The following MAPT variants were observed in gnomAD, a reference collection of about 807,000 sequenced individuals.
The protein encoded by MAPT is microtubule-associated protein tau.
A neutral mutation model predicts 67.9 loss-of-function variants in MAPT; 34 were observed. The observed-to-expected ratio is 0.50, with a 90% CI of 0.38 to 0.67. The LOEUF (loss-of-function observed/expected upper bound fraction) is 0.67, where lower values mean the gene tolerates loss of function less well. MAPT is among the 30% of genes least tolerant of loss of function. The pLI, the probability that MAPT is intolerant of heterozygous loss-of-function variation, is 0.00. For synonymous variants in MAPT, 456 were observed against 464.5 expected (o/e 0.98, Z 0.23); for missense variants, 881 against 1,115.2 (o/e 0.79, Z 2.99).
intron 1 of MAPT, among the ~76,000 whole-genome samples, chr17:45,945,947 A>G (rs917591493): frequency 6.6e-6 from 1 of 152,160 alleles, no homozygotes; most frequent in Non-Finnish European, 1.5e-5. Context: ...GGGGTCTGCA[A>G]GGTTGTGCCC....
chr17:45,907,215 T>C (rs1248222494), intron 1 of MAPT, among the ~76,000 whole-genome samples: 1 of 152,122 alleles, frequency 6.6e-6, no homozygotes, highest in Non-Finnish European at 1.5e-5. Flanking sequence ...TGCCGTGCTC[T>C]TTCTGCCCCT....
chr17:45,980,575 A>T (rs528226654), intron 4 of MAPT: 1 of 145,716 alleles, frequency 6.9e-6, no homozygotes, highest in South Asian at 2.1e-4. Context: ...TAATCATGTC[A>T]GTTTCCTCAT....
Position 45,930,809 on chromosome 17 carries a change from A to T in MAPT, c.-17-31512A>T, listed in dbSNP as rs188831040. Among the ~76,000 whole-genome samples, 120 of 152,248 alleles carry T rather than the reference A, an allele frequency of 7.9e-4. 2 individuals carry two copies. In the Middle Eastern group the frequency reaches 0.014, roughly 17 times the overall value. The stretch of plus-strand genomic sequence containing the variant: ...CCAGTTCACTTATTTTTGCTTTGTC[A>T]TGGCTGCCCAGTCCCCACTTGTAGA... On this transcript the variant is annotated intron_variant, in intron 1 of 12. Transcript: ENST00000262410.
At chr17:45,903,574 G>A (rs2063761033) in intron 1 of MAPT, among the ~76,000 whole-genome samples, 1 of 149,516 alleles carries the variant, frequency 6.7e-6, no homozygotes, top group Admixed American at 6.8e-5. Flanking sequence ...AATTAGCCGG[G>A]CGTGGTGGCG....
At chr17:45,981,394 C>T (rs1420572209) in intron 4 of MAPT, among the ~76,000 whole-genome samples, 1 of 152,146 alleles carries the variant, frequency 6.6e-6, no homozygotes, top group African/African-American at 2.4e-5. Flanking sequence ...ATGAATGTCA[C>T]GTGAATGAAC....
chr17:46,017,057 G>A (rs1490127875), intron 11 of MAPT, among the ~76,000 whole-genome samples: 1 of 152,218 alleles, frequency 6.6e-6, no homozygotes, highest in African/African-American at 2.4e-5. Flanking sequence ...GAGAAGTTCA[G>A]TCTAGAATGT....
intron 9 of MAPT, among the ~76,000 whole-genome samples, chr17:45,997,699 G>A (rs1238537682): frequency 6.6e-6 from 1 of 152,228 alleles, no homozygotes; most frequent in Non-Finnish European, 1.5e-5. Context: ...GGCAGAGGTT[G>A]CAGTGAGCCG....
chr17:45,996,806 C>A lies in MAPT; in HGVS notation c.1998+142C>A. ...CTGTGCATGGAGGTGTGGGGCTCCC[C>A]GCACCTGAGCACCCCCGCATAACAC... On this transcript the variant is annotated intron_variant, in intron 9 of 12. Coordinates refer to ENST00000262410, the MANE Select transcript of MAPT (RefSeq NM_001377265.1). This position sits in a 1 kb window ranked among gnomAD's most constrained non-coding sequence, Gnocchi z 4.5. The A allele has an allele frequency of 8.5e-7, 1 of 1,172,364 alleles. No individual in the cohort carries two copies. The highest frequency in any genetic ancestry group is 1.5e-5 in the African/African-American group (1 of 64,734). 72.6% of individuals were successfully genotyped at this position (1,172,364 alleles called of 1,614,324 possible).
intron 1 of MAPT, among the ~76,000 whole-genome samples, chr17:45,914,948 C>A (rs2065074693): frequency 6.6e-6 from 1 of 152,028 alleles, no homozygotes; most frequent in African/African-American, 2.4e-5. Context: ...AGCTCCTGGA[C>A]TCAAGCAATC....
chr17:45,937,054 G>C (rs1443302958), intron 1 of MAPT, among the ~76,000 whole-genome samples: 1 of 152,202 alleles, frequency 6.6e-6, no homozygotes, highest in Non-Finnish European at 1.5e-5. Context: ...ATATGTATGC[G>C]ATATGAGAGC....
intron 1 of MAPT, among the ~76,000 whole-genome samples, chr17:45,938,000 C>G (rs1057256337): frequency 4.6e-5 from 7 of 152,224 alleles, no homozygotes; most frequent in Non-Finnish European, 1.0e-4. Context: ...TGCGGCCACA[C>G]AGCAGGTGCG....
chr17:46,015,839 A>G (rs543378722), intron 11 of MAPT, among the ~76,000 whole-genome samples: 5 of 152,310 alleles, frequency 3.3e-5, no homozygotes, highest in Non-Finnish European at 7.3e-5. Context: ...ATAAATATAT[A>G]CACCTAACTA....
At chr17:45,899,211 A>T (rs1280712685) in intron 1 of MAPT, among the ~76,000 whole-genome samples, 1 of 152,154 alleles carries the variant, frequency 6.6e-6, no homozygotes, top group Admixed American at 6.5e-5. Flanking sequence ...TTGTTTTCAC[A>T]ACTCGGGGAG....
chr17:46,005,856 T>C (rs1460275900), intron 9 of MAPT, among the ~76,000 whole-genome samples: 1 of 152,190 alleles, frequency 6.6e-6, no homozygotes, highest in African/African-American at 2.4e-5. Context: ...GCTGTAGCCT[T>C]GAGGACAGCC....
At chr17:45,980,900 C>A (rs1321272733) in intron 4 of MAPT, among the ~76,000 whole-genome samples, 2 of 152,200 alleles carry the variant, frequency 1.3e-5, no homozygotes, top group African/African-American at 2.4e-5. Context: ...CCATAAGGCA[C>A]CTGCAGAGCC....
At position 45,987,105 on chromosome 17, in the gene MAPT, C is replaced by T. The variant is rs753863073; in HGVS notation, c.1407+10C>T. ...TGACAAAAAAGCCAAGGTAAGCTGA[C>T]GATGCCACGGAGCTCTGCAGCTGGT... On this transcript the variant is annotated intron_variant, in intron 6 of 12. Coordinates refer to ENST00000262410, the MANE Select transcript of MAPT (RefSeq NM_001377265.1). 44 of 1,613,528 alleles carry T rather than the reference C, an allele frequency of 2.7e-5. No individual in the cohort carries two copies. Among genetic ancestry groups the T allele is most frequent in the African/African-American group, 1.3e-4 (10 of 74,910 alleles).
chr17:45,936,256 T>C (rs887545592), intron 1 of MAPT, among the ~76,000 whole-genome samples: 6 of 152,210 alleles, frequency 3.9e-5, no homozygotes, highest in African/African-American at 1.4e-4. Flanking sequence ...GCCTTCCTCA[T>C]AATCTGCCCA....
At chr17:45,955,048 C>G (rs150496740) in intron 1 of MAPT, among the ~76,000 whole-genome samples, 221 of 152,256 alleles carry the variant, frequency 1.5e-3, no homozygotes, top group African/African-American at 4.9e-3. Context: ...CATAGTAGAA[C>G]AAATTTTCTA....
chr17:45,945,778 A>T (rs1317379998), intron 1 of MAPT, among the ~76,000 whole-genome samples: 2 of 151,646 alleles, frequency 1.3e-5, no homozygotes, highest in African/African-American at 4.8e-5. Flanking sequence ...GCACCACTGT[A>T]CTCAAACCGA....
Sources: allele counts gnomAD v4.1 joint callset (sites outside exome capture counted in the v4.1 genomes callset), GRCh38; gene constraint gnomAD v4.1.1; non-coding constraint Gnocchi (gnomAD v3.1); transcripts MANE v1.5; gene names NCBI Gene and HGNC (gene_info 2026-07-23, HGNC 2026-07-21).